Variants in TRIM71 observed in about 807,000 individuals in gnomAD.
The protein encoded by TRIM71 is E3 ubiquitin-protein ligase TRIM71.
In TRIM71, 9 loss-of-function variants were observed where a neutral mutation model predicts 61.2. The observed-to-expected ratio is 0.15, with a 90% confidence interval of 0.09 to 0.26. TRIM71 has a LOEUF of 0.26. TRIM71 is among the 10% of genes least tolerant of loss of function. The pLI is 1.00. For synonymous variants in TRIM71, 645 were observed against 553.2 expected (o/e 1.17, Z -2.33); for missense variants, 998 against 1,238.7 (o/e 0.81, Z 2.92).
Position 32,818,426 on chromosome 3 carries a change from C to G in TRIM71, c.346C>G (p.Leu116Val), listed in dbSNP as rs1033894972. ...MDALPSSAFL[L>V]SNLLDAVVAT... ...CGCGCTGCCTTCGTCCGCCTTCCTG[C>G]TTAGCAACCTGCTCGACGCGGTGGT... The change falls in exon 1 of 4, where the codon CTT (leucine) becomes GTT (valine). Residue 116 changes from leucine to valine, a missense_variant. By Grantham distance (32) the Leu-to-Val change is conservative (BLOSUM62 1). Around this residue, in one of 5 missense-constraint regions of TRIM71, gnomAD observed 527 missense variants for 427.8 expected, o/e 1.23. Coordinates refer to ENST00000383763, the MANE Select transcript of TRIM71 (RefSeq NM_001039111.3). The G allele has an allele frequency of 3.4e-6, 5 of 1,475,198 alleles. No individual in the cohort carries two copies. Among genetic ancestry groups the G allele is most frequent in the African/African-American group, 1.5e-5 (1 of 67,988 alleles). The allele number at this position is 1,475,198 out of a possible 1,614,324, so 91.4% of individuals were successfully genotyped here.
At chr3:32,829,631 T>TGC (rs1207952760) in intron 1 of TRIM71, among the ~76,000 whole-genome samples, 3 of 150,648 alleles carry the variant, frequency 2.0e-5, no homozygotes, top group African/African-American at 7.3e-5. Context: ...TGGTATTGTG[T>TGC]GTGTGTGTGT....
Position 32,890,807 on chromosome 3 carries a change from C to G in TRIM71, c.1603C>G (p.Leu535Val), listed in dbSNP as rs1697016607. 1.9e-6 allele frequency: 3 copies of G among 1,614,074 alleles called. No homozygotes were observed. The highest frequency in any genetic ancestry group is 2.5e-6 in the Non-Finnish European group (3 of 1,180,048). ...TGTGGTCCTGGGCCCTGATGGCAAC[C>G]TGTTTGGTGCAGAGGTGAGTGATCA... Reference protein sequence around the residue: ...SAVVLGPDGNLFGAEVSDQQN... With the variant: ...SAVVLGPDGNVFGAEVSDQQN... Residue 535 changes from leucine to valine, a missense_variant, in exon 4 of 4, where the codon CTG (leucine) becomes GTG (valine). Physicochemically the swap from Leu to Val is conservative, Grantham distance 32 (BLOSUM62 1). Around this residue, in one of 5 missense-constraint regions of TRIM71, gnomAD observed 291 missense variants for 431.2 expected, o/e 0.67. Coordinates refer to ENST00000383763, the MANE Select transcript of TRIM71 (RefSeq NM_001039111.3). This position sits in a 1 kb window ranked among gnomAD's most constrained non-coding sequence, Gnocchi z 6.2.
At chr3:32,832,699 A>G (rs749379617) in intron 1 of TRIM71, among the ~76,000 whole-genome samples, 1 of 152,162 alleles carries the variant, frequency 6.6e-6, no homozygotes, top group Non-Finnish European at 1.5e-5. Context: ...AAAAAATATT[A>G]TAATAAAGAT....
At chr3:32,842,587 C>G (rs115602484) in intron 1 of TRIM71, among the ~76,000 whole-genome samples, 2 of 152,304 alleles carry the variant, frequency 1.3e-5, no homozygotes, top group South Asian at 2.1e-4. Context: ...AGTCCAGACC[C>G]GTGCCAAGGG....
At chr3:32,875,373 C>T (rs898230618) in intron 2 of TRIM71, among the ~76,000 whole-genome samples, 8 of 152,144 alleles carry the variant, frequency 5.3e-5, no homozygotes, top group African/African-American at 1.9e-4. Context: ...CTTGTCTGAT[C>T]CAGGTGACAA....
intron 1 of TRIM71, among the ~76,000 whole-genome samples, chr3:32,836,519 T>A (rs1465517825): frequency 6.6e-6 from 1 of 152,238 alleles, no homozygotes; most frequent in African/African-American, 2.4e-5. Context: ...GTATACATTT[T>A]AAATTTTTAG....
chr3:32,821,827 C>T (rs2125673142), intron 1 of TRIM71, among the ~76,000 whole-genome samples: 1 of 151,578 alleles, frequency 6.6e-6, no homozygotes, highest in East Asian at 2.0e-4. Flanking sequence ...CCTGCGCCGC[C>T]GCCCGGCCAG....
At chr3:32,870,457 T>C (rs1696783040) in intron 1 of TRIM71, among the ~76,000 whole-genome samples, 1 of 152,040 alleles carries the variant, frequency 6.6e-6, no homozygotes, top group African/African-American at 2.4e-5. Flanking sequence ...TACTTAGAAC[T>C]GCATCGATCC....
At chr3:32,848,737 C>CT (rs1247389723) in intron 1 of TRIM71, among the ~76,000 whole-genome samples, 4 of 152,218 alleles carry the variant, frequency 2.6e-5, no homozygotes, top group African/African-American at 9.6e-5. Flanking sequence ...TGAATGAAAC[C>CT]TGGGGCAGTG....
In TRIM71 at chr3:32,818,189, C is replaced by A. The variant is rs754853307; in HGVS notation, c.109C>A (p.Gln37Lys). The A allele has an allele frequency of 6.3e-7, 1 of 1,591,430 alleles. No individual in the cohort carries two copies. Among genetic ancestry groups the A allele is most frequent in the South Asian group, 1.1e-5 (1 of 90,122 alleles). Reference sequence around the variant, plus strand: ...CTCGTCCGCGTCGTCGTCCTCCTCGCAGACGTCCACGTCGTCGGGGGGCGG... The same window carrying A: ...CTCGTCCGCGTCGTCGTCCTCCTCGAAGACGTCCACGTCGTCGGGGGGCGG... ...SNSSASSSSS[Q>K]TSTSSGGGGG... The change falls in exon 1 of 4, where the codon CAG becomes AAG. Residue 37 changes from glutamine to lysine, a missense_variant. This residue lies in a region of TRIM71 where 527 missense variants were observed against 427.8 expected (regional missense o/e 1.23). Transcript: ENST00000383763.
intron 1 of TRIM71, among the ~76,000 whole-genome samples, chr3:32,833,678 T>A (rs1039387497): frequency 2.2e-4 from 30 of 134,560 alleles, no homozygotes; most frequent in Non-Finnish European, 3.1e-4. Context: ...TTATTTATTT[T>A]ATTTTTGGCT....
At chr3:32,872,959 A>G (rs1461348226) in intron 1 of TRIM71, among the ~76,000 whole-genome samples, 1 of 152,056 alleles carries the variant, frequency 6.6e-6, no homozygotes, top group Non-Finnish European at 1.5e-5. Context: ...CTCTGTGGAG[A>G]GATACAGTAA....
chr3:32,822,696 A>G (rs898232602), intron 1 of TRIM71, among the ~76,000 whole-genome samples: 1 of 152,178 alleles, frequency 6.6e-6, no homozygotes, highest in Non-Finnish European at 1.5e-5. Context: ...TAAAATCCAT[A>G]CCAAAATATT....
intron 1 of TRIM71, among the ~76,000 whole-genome samples, chr3:32,833,921 C>A (rs1696304219): frequency 6.6e-6 from 1 of 152,128 alleles, no homozygotes; most frequent in Admixed American, 6.6e-5. Context: ...TTTAATTCTT[C>A]ATTTTCCTAA....
At position 32,891,367 on chromosome 3, in the gene TRIM71, C is replaced by T; in HGVS notation, c.2163C>T (p.Asn721=). ...AGATCCTGGTCTCAGACACGAGGAA[C>T]CACCGGATCCAGCTGTTTGGGCCTG... ...EGKILVSDTR[N]HRIQLFGPDG... is the part of the protein sequence containing the mutation. Residue 721 remains asparagine (N), a synonymous_variant, in exon 4 of 4, where the codon AAC becomes AAT. Transcript: ENST00000383763. The surrounding 1 kb of genome is among the most constrained non-coding windows in gnomAD (Gnocchi z 8.2). 1 of 1,614,166 alleles carries T rather than the reference C, an allele frequency of 6.2e-7. No homozygotes were observed. Among genetic ancestry groups the T allele is most frequent in the Non-Finnish European group, 8.5e-7 (1 of 1,180,042 alleles).
intron 1 of TRIM71, among the ~76,000 whole-genome samples, chr3:32,848,958 T>TG (rs1004513860): frequency 6.6e-6 from 1 of 152,134 alleles, no homozygotes; most frequent in African/African-American, 2.4e-5. Flanking sequence ...CCTGAAGCTC[T>TG]GGGGGTCTAG....
Position 32,890,208 on chromosome 3 carries a change from C to A in TRIM71, c.1156-152C>A. 1 of 1,119,058 alleles carries A rather than the reference C, an allele frequency of 8.9e-7. No homozygotes were observed. Among genetic ancestry groups the A allele is most frequent in the Non-Finnish European group, 1.3e-6 (1 of 789,894 alleles). The allele number at this position is 1,119,058 out of a possible 1,614,324, so 69.3% of individuals were successfully genotyped here. A position where few individuals can be genotyped will look rare whatever the true frequency, so the allele number is the denominator to read the frequency against. ...GGTTTTTTGGTCCATTTTGATTTTGCTGCTTTTGAAGAAAGACAGATGTCT... is the reference window on the plus strand; with the variant it reads ...GGTTTTTTGGTCCATTTTGATTTTGATGCTTTTGAAGAAAGACAGATGTCT... On this transcript the variant is annotated intron_variant, in intron 3 of 3. Transcript: ENST00000383763. The surrounding 1 kb of genome is among the most constrained non-coding windows in gnomAD (Gnocchi z 6.2).
At chr3:32,874,359 A>G (rs1559548619) in intron 2 of TRIM71, among the ~76,000 whole-genome samples, 5 of 148,602 alleles carry the variant, frequency 3.4e-5, no homozygotes, top group African/African-American at 1.3e-4. Flanking sequence ...TACTACTACT[A>G]CTACTACTAC....
chr3:32,856,811 CTT>C (rs377064441), intron 1 of TRIM71, among the ~76,000 whole-genome samples: 91 of 152,356 alleles, frequency 6.0e-4, no homozygotes, highest in African/African-American at 2.1e-3. Context: ...TGCCTTGCCA[CTT>C]ACCAGGCTGG....
Sources: gnomAD v4.1 joint callset for allele counts (sites outside exome capture counted in the v4.1 genomes callset) on GRCh38, gnomAD v4.1.1 for gene constraint, gnomAD v4.1.1 regional missense constraint, Gnocchi (gnomAD v3.1) non-coding constraint, MANE v1.5 for transcripts, NCBI Gene and HGNC (gene_info 2026-07-23, HGNC 2026-07-21) for gene names.